Variants in ILK observed in about 807,000 individuals in gnomAD.
ILK encodes scaffold protein ILK.
Under a neutral mutation model 57.8 loss-of-function variants are expected in ILK, and 37 were observed. The ratio of observed to expected loss-of-function variants is 0.64; its 90% CI spans 0.49 to 0.84. The LOEUF (loss-of-function observed/expected upper bound fraction) is 0.84, where lower values mean the gene tolerates loss of function less well. Among genes scored for constraint, ILK ranks in the 40% least tolerant of loss-of-function variants. The pLI is 0.00. For missense variants in ILK, 528 were observed against 595.7 expected (o/e 0.89, Z 1.18); for synonymous variants, 231 against 202.2 (o/e 1.14, Z -1.21).
At chr11:6,604,544 A>C in intron 2 of ILK, 184 bp downstream of exon 2, 1 of 674,360 alleles carries the variant, frequency 1.5e-6, no homozygotes, top group Non-Finnish European at 2.7e-6. Flanking sequence ...TGACTGCAGA[A>C]TAAGAGTTTC....
chr11:6,609,622 T>C lies in ILK; in HGVS notation c.839T>C (p.Val280Ala). 1 of 1,614,166 alleles carries C rather than the reference T, an allele frequency of 6.2e-7. No homozygotes were observed. The highest frequency in any genetic ancestry group is 8.5e-7 in the Non-Finnish European group (1 of 1,180,022). ...HWMPYGSLYN[V>A]LHEGTNFVVD... Reference sequence around the variant, plus strand: ...ATGCCGTATGGATCCCTCTACAATGTACTACATGAAGGCACCAGTGAGTAG... The same window carrying C: ...ATGCCGTATGGATCCCTCTACAATGCACTACATGAAGGCACCAGTGAGTAG... Residue 280 changes from valine to alanine, a missense_variant, in exon 9 of 13, where the codon GTA (valine) becomes GCA (alanine). Transcript: ENST00000299421.
In ILK at chr11:6,609,381, A is replaced by C; in HGVS notation, c.701A>C (p.Asp234Ala). ...VRDWSTRKSR[D>A]FNEECPRLRI... ...GACTGGAGTACAAGGAAGAGCAGGG[A>C]CTTCAATGAAGAGTGTCCCCGGCTC... Residue 234 changes from aspartate to alanine, a missense_variant, in exon 8 of 13, where the codon GAC becomes GCC. By Grantham distance (126) the Asp-to-Ala change is moderately radical. Transcript: ENST00000299421. 6.2e-7 allele frequency: 1 copy of C among 1,614,038 alleles called. No individual in the cohort carries two copies. The highest frequency in any genetic ancestry group is 8.5e-7 in the Non-Finnish European group (1 of 1,180,004).
chr11:6,605,941 C>T (rs1234517717), intron 2 of ILK, among the ~76,000 whole-genome samples: 1 of 152,090 alleles, frequency 6.6e-6, no homozygotes, highest in Non-Finnish European at 1.5e-5. Context: ...TTTGGGAGGC[C>T]GAGGCTGGTG....
rs756620800 is a variant in ILK, at chr11:6,610,609, T to C, written c.1357T>C (p.Ter453GlnextTer7). 7 of 1,614,080 alleles carry C rather than the reference T, an allele frequency of 4.3e-6. No individual in the cohort carries two copies. In the East Asian group the frequency reaches 8.9e-5, roughly 21 times the overall value. The change falls in exon 13 of 13, where the codon TAG (stop) becomes CAG (glutamine). Residue 453 changes from the stop codon to glutamine (Q), a stop_lost. Transcript: ENST00000299421. Reference sequence around the variant, plus strand: ...TATCCTTGAGAAGATGCAGGACAAGTAGGACTGGAAGGTCCTTGCCTGAAC... The same window carrying C: ...TATCCTTGAGAAGATGCAGGACAAGCAGGACTGGAAGGTCCTTGCCTGAAC... ...VPILEKMQDK* is the reference protein window; with the variant it reads ...VPILEKMQDKQ
intron 10 of ILK, 36 bp downstream of exon 10, chr11:6,609,881 A>G (rs1564849085): frequency 6.2e-7 from 1 of 1,614,196 alleles, no homozygotes; most frequent in Non-Finnish European, 8.5e-7. Context: ...CCAGGCCCCA[A>G]AAGCCCTTTG....
At chr11:6,606,600 G>A (rs17173939) in intron 2 of ILK, 8,281 of 152,322 alleles carry the variant, frequency 0.054, 338 homozygotes, top group Non-Finnish European at 0.085. Context: ...GGAAGATGCT[G>A]CCAGAAGGAA....
At position 6,604,373 on chromosome 11, in the gene ILK, G is replaced by T. The variant is rs1056145541; in HGVS notation, c.89+13G>T. ...ACCTCAACCAGGGGTGAGCTGAAACGGTTGGTGGATGAGAGGAAGGCTAGA... is the reference window on the plus strand; with the variant it reads ...ACCTCAACCAGGGGTGAGCTGAAACTGTTGGTGGATGAGAGGAAGGCTAGA... On this transcript the variant is annotated intron_variant, in intron 2 of 12. Transcript: ENST00000299421. 3.1e-6 allele frequency: 5 copies of T among 1,596,260 alleles called. No homozygotes were observed.
Position 6,610,835 on chromosome 11 carries a change from C to G in ILK, c.*224C>G, listed in dbSNP as rs1855427931. 6.6e-7 allele frequency: 1 copy of G among 1,508,152 alleles called. No homozygotes were observed. Among genetic ancestry groups the G allele is most frequent in the African/African-American group, 1.4e-5 (1 of 72,834 alleles). The allele number at this position is 1,508,152 out of a possible 1,614,324, so 93.4% of individuals were successfully genotyped here. A position where few individuals can be genotyped will look rare whatever the true frequency, so the allele number is the denominator to read the frequency against. On this transcript the variant is annotated 3_prime_UTR_variant, in exon 13 of 13. Coordinates refer to ENST00000299421, the MANE Select transcript of ILK (RefSeq NM_004517.4). ...TGGTGTCTCCCAACATGGGAGGGAT[C>G]AGCCCCGCCTGTCACAATAAAGTTT...
chr11:6,607,791 GGAAAT>G, intron 2 of ILK: 1 of 517,734 alleles, frequency 1.9e-6, no homozygotes, highest in African/African-American at 1.9e-5. Context: ...TACCACCTAA[GGAAAT>G]GAGATGTGGG....
intron 2 of ILK, chr11:6,607,707 T>G: frequency 2.8e-6 from 1 of 362,272 alleles, no homozygotes; most frequent in Non-Finnish European, 5.3e-6. Context: ...GGGGGACATA[T>G]AAGATGTGGT....
chr11:6,609,192 C>A (rs1275052976), intron 7 of ILK, 36 bp downstream of exon 7: 2 of 1,599,302 alleles, frequency 1.3e-6, no homozygotes, highest in Non-Finnish European at 1.7e-6. Context: ...CCTCACTAAA[C>A]CCCCATAAAT....
intron 2 of ILK, among the ~76,000 whole-genome samples, chr11:6,606,018 A>G (rs1854868398): frequency 6.6e-6 from 1 of 152,152 alleles, no homozygotes; most frequent in Non-Finnish European, 1.5e-5. Flanking sequence ...TACTAAAAAT[A>G]CAAAAATTAG....
In ILK at chr11:6,609,275, TCCTAACC is replaced by T; in HGVS notation, c.619-19_619-13del. ...GGAAGTGGCAGCAACATTTCAAGCC[TCCTAACC>T]CCTACCTGTCCTGCAGCTATGGAAG... On this transcript the variant is annotated splice_polypyrimidine_tract_variant and intron_variant, in intron 7 of 12. Coordinates refer to ENST00000299421, the MANE Select transcript of ILK (RefSeq NM_004517.4). The T allele has an allele frequency of 6.2e-7, 1 of 1,611,544 alleles. No homozygotes were observed. Among genetic ancestry groups the T allele is most frequent in the Non-Finnish European group, 8.5e-7 (1 of 1,177,692 alleles).
chr11:6,604,231 A>C lies in ILK; in HGVS notation c.-41A>C. On this transcript the variant is annotated 5_prime_UTR_variant, in exon 2 of 13. Coordinates refer to ENST00000299421, the MANE Select transcript of ILK (RefSeq NM_004517.4). ...TTCCCTGGATCACTCCACAGTCCTC[A>C]GGCTTCCCCAATCCAGGGGACTCGG... The C allele has an allele frequency of 3.2e-6, 5 of 1,554,672 alleles. No individual in the cohort carries two copies. Among genetic ancestry groups the C allele is most frequent in the Non-Finnish European group, 4.4e-6 (5 of 1,135,478 alleles).
chr11:6,605,580 G>C lies in ILK; in HGVS notation c.89+1220G>C, dbSNP rs557577964. ...GGATGGGTAAACTCAGGTCATGGAG[G>C]TTTGTTGTGCAGATCATTTCATCAC... On this transcript the variant is annotated intron_variant, in intron 2 of 12. Transcript: ENST00000299421. Among the ~76,000 whole-genome samples the C allele has an allele frequency of 1.1e-4, 16 of 152,060 alleles. 1 individual carries two copies. In the East Asian group the frequency reaches 3.1e-3, roughly 29 times the overall value.
In ILK at chr11:6,605,187, T is replaced by C. The variant is rs7952420; in HGVS notation, c.89+827T>C. 4.3e-3 allele frequency among the ~76,000 whole-genome samples: 648 copies of C among 152,276 alleles called. 6 individuals are homozygous for C. Among genetic ancestry groups the C allele is most frequent in the African/African-American group, 0.015 (606 of 41,546 alleles). On this transcript the variant is annotated intron_variant, in intron 2 of 12. Transcript: ENST00000299421. ...TGTTGTTGGTTATGCAGATTTGCAATTCAGGGGAGGAATCTGACTTGGAGA... is the reference window on the plus strand; with the variant it reads ...TGTTGTTGGTTATGCAGATTTGCAACTCAGGGGAGGAATCTGACTTGGAGA...
intron 2 of ILK, among the ~76,000 whole-genome samples, chr11:6,605,716 A>G (rs1854833231): frequency 6.6e-6 from 1 of 152,136 alleles, no homozygotes; most frequent in South Asian, 2.1e-4. Context: ...GTGTGCAGTT[A>G]GGATGTATTT....
At chr11:6,604,400 A>C (rs1854612095) in intron 2 of ILK, 40 bp downstream of exon 2, 1 of 1,538,410 alleles carries the variant, frequency 6.5e-7, no homozygotes, top group African/African-American at 1.4e-5. Context: ...AAGGCTAGAG[A>C]TCTCCTGGCT....
At chr11:6,605,712 A>T (rs1234731789) in intron 2 of ILK, among the ~76,000 whole-genome samples, 1 of 152,180 alleles carries the variant, frequency 6.6e-6, no homozygotes, top group Middle Eastern at 3.4e-3. Context: ...CTCAGTGTGC[A>T]GTTAGGATGT....
Sources: gnomAD v4.1 joint callset for allele counts (sites outside exome capture counted in the v4.1 genomes callset) on GRCh38, gnomAD v4.1.1 for gene constraint, MANE v1.5 for transcripts, NCBI Gene and HGNC (gene_info 2026-07-23, HGNC 2026-07-21) for gene names.